Variants in FER observed in about 807,000 individuals in gnomAD.
The protein encoded by FER is tyrosine-protein kinase Fer.
In FER, 63 loss-of-function variants were observed where a neutral mutation model predicts 111.0. That is an observed-to-expected ratio of 0.57 (90% confidence interval 0.46 to 0.70). The LOEUF is 0.70. Among genes scored for constraint, FER ranks in the 30% least tolerant of loss-of-function variants. FER has a pLI of 0.00. For synonymous variants in FER, 327 were observed against 313.9 expected (o/e 1.04, Z -0.44); for missense variants, 914 against 954.0 (o/e 0.96, Z 0.55).
At chr5:109,081,629 C>T (rs1480891257) in intron 16 of FER, among the ~76,000 whole-genome samples, 1 of 151,948 alleles carries the variant, frequency 6.6e-6, no homozygotes, top group African/African-American at 2.4e-5. Flanking sequence ...TAAGCAGTTA[C>T]TTAGGAGGAA....
At chr5:108,783,617 T>C (rs908098485) in intron 2 of FER, among the ~76,000 whole-genome samples, 15 of 152,228 alleles carry the variant, frequency 9.9e-5, no homozygotes, top group Non-Finnish European at 1.6e-4. Flanking sequence ...TTTAGGTTTA[T>C]CATGCAGGTC....
chr5:108,939,030 A>G (rs973442896), intron 10 of FER, among the ~76,000 whole-genome samples: 3 of 152,068 alleles, frequency 2.0e-5, no homozygotes, highest in Admixed American at 2.0e-4. Context: ...TTAACTGTGC[A>G]TTTCTAAAAT....
rs1382142960 is a variant in FER, at chr5:108,959,226, A to G, written c.1535A>G (p.Asn512Ser). The G allele has an allele frequency of 2.5e-6, 4 of 1,611,364 alleles. No individual in the cohort carries two copies. The South Asian group carries it at 4.4e-5, about 18-fold the overall frequency. ...RRHFIIQYVD[N>S]MYRFEGTGFS... Reference sequence around the variant, plus strand: ...TCTACCTTATTGTTCTCTCTCCAGAACATGTATCGATTCGAGGGCACTGGG... The same window carrying G: ...TCTACCTTATTGTTCTCTCTCCAGAGCATGTATCGATTCGAGGGCACTGGG... The change falls in exon 13 of 20, where the codon AAC becomes AGC. Residue 512 changes from asparagine to serine, a missense_variant and splice_region_variant. Coordinates refer to ENST00000281092, the MANE Select transcript of FER (RefSeq NM_005246.4).
intron 13 of FER, among the ~76,000 whole-genome samples, chr5:108,992,816 C>T (rs1421447236): frequency 6.7e-6 from 1 of 149,470 alleles, no homozygotes; most frequent in Non-Finnish European, 1.5e-5. Flanking sequence ...CTCCTCACTT[C>T]TCAGACAGGG....
chr5:109,154,115 C>G (rs559065014), intron 17 of FER, among the ~76,000 whole-genome samples: 1 of 151,772 alleles, frequency 6.6e-6, no homozygotes, highest in Admixed American at 6.6e-5. Flanking sequence ...ACGGGTCCAC[C>G]CTGCATAGGA....
chr5:109,042,061 G>T (rs1321717359), intron 14 of FER, among the ~76,000 whole-genome samples: 1 of 152,164 alleles, frequency 6.6e-6, no homozygotes, highest in African/African-American at 2.4e-5. Flanking sequence ...TTTTGATGAT[G>T]ATGGGCCATG....
chr5:108,789,602 T>TTTC (rs112328583), intron 2 of FER, among the ~76,000 whole-genome samples: 34,416 of 150,440 alleles, frequency 0.23, 4,059 homozygotes, highest in African/African-American at 0.29. Flanking sequence ...GAATTTTCTT[T>TTTC]TTCTTCTTCT....
rs1021450302 is a variant in FER at position 109,194,014 on chromosome 5, A to G, written c.*6439A>G. On this transcript the variant is annotated 3_prime_UTR_variant, in exon 20 of 20. Transcript: ENST00000281092. ...CACTATCAGTAGAAGCTCTTGAGAG[A>G]TTTTCCTAACGCAGCAAGATTTCTG... The G allele has an allele frequency of 4.6e-5, 7 of 152,118 alleles. No individual in the cohort carries two copies. The highest frequency in any genetic ancestry group is 3.3e-4 in the Admixed American group (5 of 15,258). 9.4% of individuals were successfully genotyped at this position (152,118 alleles called of 1,614,324 possible).
chr5:108,795,337 C>T lies in FER; in HGVS notation c.-59-2787C>T, dbSNP rs528132890. Among the ~76,000 whole-genome samples, 4 of 151,888 alleles carry T rather than the reference C, an allele frequency of 2.6e-5. No homozygotes were observed. The South Asian group carries it at 8.3e-4, about 32-fold the overall frequency. On this transcript the variant is annotated intron_variant, in intron 2 of 19. Coordinates refer to ENST00000281092, the MANE Select transcript of FER (RefSeq NM_005246.4). ...GTCTGGAAAAAAAGAAAAACTTTCC[C>T]CTTTTGAGACTATTTTCTAGTTCTT...
intron 5 of FER, among the ~76,000 whole-genome samples, chr5:108,866,935 C>T (rs1344509176): frequency 2.0e-5 from 3 of 152,110 alleles, no homozygotes; most frequent in African/African-American, 7.2e-5. Context: ...GTTTTTAACT[C>T]ATAACATTAT....
intron 1 of FER, among the ~76,000 whole-genome samples, chr5:108,759,182 A>G (rs1014841153): frequency 6.6e-6 from 1 of 152,194 alleles, no homozygotes; most frequent in Non-Finnish European, 1.5e-5. Context: ...AAAAACCCTT[A>G]ATTGATATCC....
intron 3 of FER, among the ~76,000 whole-genome samples, chr5:108,805,456 A>G (rs1757106427): frequency 1.3e-5 from 2 of 152,186 alleles, no homozygotes; most frequent in Admixed American, 1.3e-4. Context: ...AAAATGTGGT[A>G]ATGACTTTGG....
intron 1 of FER, among the ~76,000 whole-genome samples, chr5:108,758,755 A>C (rs748226871): frequency 2.5e-4 from 38 of 152,188 alleles, no homozygotes; most frequent in Non-Finnish European, 7.3e-5. Flanking sequence ...AGCTATGTCT[A>C]AGCCCTTTGG....
At chr5:108,805,689 C>A (rs1757132530) in intron 3 of FER, among the ~76,000 whole-genome samples, 1 of 152,094 alleles carries the variant, frequency 6.6e-6, no homozygotes, top group Non-Finnish European at 1.5e-5. Flanking sequence ...AGCAAAGAGA[C>A]TGGTGGAATT....
At chr5:109,151,685 C>T (rs929139775) in intron 17 of FER, among the ~76,000 whole-genome samples, 7 of 152,046 alleles carry the variant, frequency 4.6e-5, no homozygotes, top group Admixed American at 1.3e-4. Context: ...ACAAGACCTG[C>T]GGTCAAAGCA....
At chr5:108,804,473 T>C (rs942742192) in intron 3 of FER, among the ~76,000 whole-genome samples, 4 of 152,216 alleles carry the variant, frequency 2.6e-5, no homozygotes, top group Non-Finnish European at 4.4e-5. Flanking sequence ...GTGTTTGTCA[T>C]AGATGGCTCT....
chr5:109,084,974 G>T (rs1173110147), intron 16 of FER, among the ~76,000 whole-genome samples: 1 of 151,758 alleles, frequency 6.6e-6, no homozygotes, highest in African/African-American at 2.4e-5. Flanking sequence ...GTACTTTCTT[G>T]ATTGAAACTT....
At chr5:109,165,349 A>G (rs938624332) in intron 17 of FER, among the ~76,000 whole-genome samples, 1 of 152,132 alleles carries the variant, frequency 6.6e-6, no homozygotes, top group Non-Finnish European at 1.5e-5. Flanking sequence ...TGCCAGGTTT[A>G]AATTTTTCTT....
At chr5:108,807,929 A>G (rs551250460) in intron 3 of FER, among the ~76,000 whole-genome samples, 2 of 148,630 alleles carry the variant, frequency 1.3e-5, no homozygotes, top group Admixed American at 6.7e-5. Context: ...TAGTTTTGAG[A>G]TATCTTCTTG....
Sources: gnomAD v4.1 joint callset for allele counts (sites outside exome capture counted in the v4.1 genomes callset) on GRCh38, gnomAD v4.1.1 for gene constraint, MANE v1.5 for transcripts, NCBI Gene and HGNC (gene_info 2026-07-23, HGNC 2026-07-21) for gene names.